Variants in PPARGC1A observed in about 807,000 individuals in gnomAD.
PPARGC1A encodes the protein peroxisome proliferator-activated receptor gamma coactivator 1-alpha.
In PPARGC1A, 25 loss-of-function variants were observed where a neutral mutation model predicts 88.7. The observed-to-expected ratio is 0.28, with a 90% CI of 0.21 to 0.39. PPARGC1A has a LOEUF of 0.39. Ranked by LOEUF, PPARGC1A falls within the 10% of genes least tolerant of loss-of-function variation. The pLI is 1.00. For missense variants in PPARGC1A, 880 were observed against 968.7 expected (o/e 0.91, Z 1.22); for synonymous variants, 363 against 355.6 (o/e 1.02, Z -0.24).
the PPARGC1A span, among the ~76,000 whole-genome samples, chr4:23,950,178 C>A: frequency 6.6e-6 from 1 of 152,262 alleles, no homozygotes; most frequent in Non-Finnish European, 1.5e-5. Context: ...ATACCCCATA[C>A]ATCTTCAAGA....
chr4:23,808,452 T>A (rs1560336636), intron 10 of PPARGC1A, among the ~76,000 whole-genome samples: 1 of 152,072 alleles, frequency 6.6e-6, no homozygotes, highest in East Asian at 1.9e-4. Flanking sequence ...ATGTCTAGAT[T>A]TGCCCTTTAA....
At chr4:24,267,940 T>G in the PPARGC1A span, among the ~76,000 whole-genome samples, 1 of 152,210 alleles carries the variant, frequency 6.6e-6, no homozygotes, top group South Asian at 2.1e-4. Context: ...AACAGTGATA[T>G]TTAACTTTTC....
chr4:24,005,418 C>T, the PPARGC1A span, among the ~76,000 whole-genome samples: 1 of 152,112 alleles, frequency 6.6e-6, no homozygotes, highest in Non-Finnish European at 1.5e-5. Context: ...CAACCCCTAC[C>T]AGCTGGATAA....
At chr4:24,023,078 T>C in the PPARGC1A span, among the ~76,000 whole-genome samples, 1 of 152,192 alleles carries the variant, frequency 6.6e-6, no homozygotes, top group Non-Finnish European at 1.5e-5. Context: ...ATAAGTATTT[T>C]TAGTTAATAC....
chr4:24,266,284 C>T, the PPARGC1A span, among the ~76,000 whole-genome samples: 1 of 152,102 alleles, frequency 6.6e-6, no homozygotes. Context: ...TGAGCCTTGA[C>T]CCTAAGGTGT....
chr4:24,264,504 G>A, the PPARGC1A span, among the ~76,000 whole-genome samples: 3 of 152,064 alleles, frequency 2.0e-5, no homozygotes, highest in Non-Finnish European at 2.9e-5. Context: ...CTTGGCAGAA[G>A]GTCAGCCACC....
chr4:24,339,173 CT>C, the PPARGC1A span, among the ~76,000 whole-genome samples: 2 of 149,166 alleles, frequency 1.3e-5, 1 homozygote, highest in South Asian at 4.3e-4. Flanking sequence ...CCTTAGCACA[CT>C]GTCTTCAAGG....
chr4:24,089,493 T>C, the PPARGC1A span, among the ~76,000 whole-genome samples: 6 of 89,342 alleles, frequency 6.7e-5, no homozygotes, highest in South Asian at 1.7e-3. Flanking sequence ...TTCTTTTCTT[T>C]TCTTTTCTTT....
chr4:24,466,984 AAGG>A, the PPARGC1A span, among the ~76,000 whole-genome samples: 8 of 94,542 alleles, frequency 8.5e-5, no homozygotes, highest in South Asian at 3.1e-3. Flanking sequence ...GAAAGAAAGA[AAGG>A]AGGGAGGGAG....
At chr4:23,901,720 G>T (rs2148882409), upstream of PPARGC1A, among the ~76,000 whole-genome samples, 1 of 152,192 alleles carries the variant, frequency 6.6e-6, no homozygotes, top group East Asian at 1.9e-4. Context: ...AAAGCCACAG[G>T]ACAAAACAAT....
chr4:24,126,880 T>G, the PPARGC1A span, among the ~76,000 whole-genome samples: 1 of 152,026 alleles, frequency 6.6e-6, no homozygotes. Flanking sequence ...TATGATGAGG[T>G]TCAAGGAAGC....
the PPARGC1A span, among the ~76,000 whole-genome samples, chr4:23,995,353 A>C: frequency 1.3e-4 from 20 of 152,252 alleles, no homozygotes; most frequent in South Asian, 1.5e-3. Flanking sequence ...TTCTCCTTGC[A>C]AGTATAATAT....
At chr4:23,824,929 T>C (rs915160652) in intron 5 of PPARGC1A, among the ~76,000 whole-genome samples, 2 of 152,134 alleles carry the variant, frequency 1.3e-5, no homozygotes, top group Non-Finnish European at 2.9e-5. Flanking sequence ...TAATTTTATA[T>C]CTAGCCCTGA....
chr4:24,025,862 GA>G, the PPARGC1A span, among the ~76,000 whole-genome samples: 7 of 150,582 alleles, frequency 4.6e-5, no homozygotes, highest in Admixed American at 2.6e-4. Context: ...GGAGGAGGAG[GA>G]AAAAAAAATG....
the PPARGC1A span, among the ~76,000 whole-genome samples, chr4:24,451,244 T>C: frequency 2.0e-5 from 3 of 152,216 alleles, no homozygotes; most frequent in Non-Finnish European, 4.4e-5. Context: ...TGGAATTAAG[T>C]TCACCATCAA....
rs777982470 is a variant in PPARGC1A at position 23,802,246 on chromosome 4, T to C, written c.2119A>G (p.Thr707Ala). Residue 707 changes from threonine to alanine, a missense_variant, in exon 11 of 13, where the codon ACA becomes GCA. Coordinates refer to ENST00000264867, the MANE Select transcript of PPARGC1A (RefSeq NM_013261.5). ...CACCCATCATCCCGCAGATTTACTG[T>C]GCACTCCTCAATTTCACCAAAAACT... ...FEVFGEIEEC[T>A]VNLRDDGDSY... The C allele has an allele frequency of 3.7e-6, 6 of 1,614,080 alleles. No individual in the cohort carries two copies. In the East Asian group the frequency reaches 8.9e-5, roughly 24 times the overall value.
the PPARGC1A span, among the ~76,000 whole-genome samples, chr4:24,420,780 G>C: frequency 6.6e-6 from 1 of 151,976 alleles, no homozygotes; most frequent in African/African-American, 2.4e-5. Flanking sequence ...CAGATGTCTT[G>C]GTCTGCTTGG....
chr4:23,906,012 G>C (rs956990837), upstream of PPARGC1A, among the ~76,000 whole-genome samples: 1 of 152,130 alleles, frequency 6.6e-6, no homozygotes, highest in Non-Finnish European at 1.5e-5. Context: ...AGAAAAGGCA[G>C]GACTCAAAGA....
At chr4:23,991,120 G>C in the PPARGC1A span, among the ~76,000 whole-genome samples, 1 of 151,958 alleles carries the variant, frequency 6.6e-6, no homozygotes, top group African/African-American at 2.4e-5. Flanking sequence ...CCCAAGTCCA[G>C]TCCTCAAAGG....
Sources: gnomAD v4.1 joint callset for allele counts (sites outside exome capture counted in the v4.1 genomes callset) on GRCh38, gnomAD v4.1.1 for gene constraint, MANE v1.5 for transcripts, NCBI Gene and HGNC (gene_info 2026-07-23, HGNC 2026-07-21) for gene names.